The following CCDC3 variants were observed in gnomAD, a reference collection of about 807,000 sequenced individuals.
The protein encoded by CCDC3 is coiled-coil domain containing 3.
A neutral mutation model predicts 21.4 loss-of-function variants in CCDC3; 24 were observed. The ratio of observed to expected loss-of-function variants is 1.12; its 90% confidence interval spans 0.81 to 1.58. CCDC3 has a LOEUF of 1.58. CCDC3 is among the 40% of genes most tolerant of loss of function. The pLI is 0.00. For synonymous variants in CCDC3, 186 were observed against 166.0 expected, an observed-to-expected ratio of 1.12 and a Z score of -0.93; for missense variants, 425 against 360.9, an observed-to-expected ratio of 1.18 and a Z score of -1.44.
chr10:12,983,128 G>GTATATATATATATATATA (rs775314375), intron 2 of CCDC3, among the ~76,000 whole-genome samples: 1 of 117,850 alleles, frequency 8.5e-6, no homozygotes, highest in Non-Finnish European at 1.7e-5. Context: ...AAATAAAATA[G>GTATATATATATATATATA]TGTATATATA....
At chr10:12,927,152 A>G (rs1834555579) in intron 2 of CCDC3, among the ~76,000 whole-genome samples, 1 of 152,150 alleles carries the variant, frequency 6.6e-6, no homozygotes, top group African/African-American at 2.4e-5. Flanking sequence ...AACACACATA[A>G]AAGTAGAGAG....
At chr10:12,957,211 C>T (rs1445678720) in intron 2 of CCDC3, among the ~76,000 whole-genome samples, 1 of 152,136 alleles carries the variant, frequency 6.6e-6, no homozygotes, top group East Asian at 1.9e-4. Context: ...GTAACTTTGT[C>T]AATTTCCACT....
rs750606155 is a variant in CCDC3 at position 12,898,430 on chromosome 10, AG to A, written c.798del (p.Tyr267ThrfsTer21). Reference protein sequence around the residue: ...HINARGPVRPPYLRG With the variant: ...HINARGPVRPXYLRG Reference sequence around the variant, plus strand: ...CCCCAGGCCCGTTACCCCCGCAGGTAGGGGGGGCGCACGGGCCCCCGGGCAT... The same window carrying A: ...CCCCAGGCCCGTTACCCCCGCAGGTAGGGGGGCGCACGGGCCCCCGGGCAT... On this transcript the variant is annotated frameshift_variant, in exon 3 of 3. Coordinates refer to ENST00000378825, the MANE Select transcript of CCDC3 (RefSeq NM_031455.4). LOFTEE classifies it high-confidence loss of function. 8 of 1,600,590 alleles carry A rather than the reference AG, an allele frequency of 5.0e-6. No individual in the cohort carries two copies. The highest frequency in any genetic ancestry group is 1.3e-5 in the African/African-American group (1 of 74,424).
At chr10:13,061,710 G>A (rs1298197090) in intron 4 of CCDC3, among the ~76,000 whole-genome samples, 1 of 152,200 alleles carries the variant, frequency 6.6e-6, no homozygotes, top group East Asian at 1.9e-4. Flanking sequence ...AACATTTTCT[G>A]GCTGCCAATT....
intron 5 of CCDC3, among the ~76,000 whole-genome samples, chr10:13,043,124 A>G (rs1836483694): frequency 6.6e-6 from 1 of 152,078 alleles, no homozygotes; most frequent in South Asian, 2.1e-4. Context: ...TTATATGGGT[A>G]TATTTGTGTG....
At chr10:12,987,987 G>T (rs1835623632) in intron 2 of CCDC3, among the ~76,000 whole-genome samples, 1 of 151,222 alleles carries the variant, frequency 6.6e-6, no homozygotes, top group Non-Finnish European at 1.5e-5. Flanking sequence ...GCAATCTGTG[G>T]TTCACTCAGC....
At chr10:13,058,251 T>C in intron 4 of CCDC3, 1 of 1,375,504 alleles carries the variant, frequency 7.3e-7, no homozygotes, top group Non-Finnish European at 1.0e-6. Flanking sequence ...AAATAGCAGG[T>C]AAAGGCACCT....
intron 2 of CCDC3, among the ~76,000 whole-genome samples, chr10:12,977,655 T>G (rs868444261): frequency 1.9e-4 from 29 of 152,296 alleles, no homozygotes; most frequent in Middle Eastern, 6.8e-3. Context: ...TCTTACAACA[T>G]AAAATCCAGG....
chr10:13,053,522 C>CTG (rs1181180135), intron 4 of CCDC3, among the ~76,000 whole-genome samples: 1 of 152,152 alleles, frequency 6.6e-6, no homozygotes, highest in Non-Finnish European at 1.5e-5. Context: ...CACCACTGCA[C>CTG]TCCAACCTGG....
intron 4 of CCDC3, among the ~76,000 whole-genome samples, chr10:13,059,932 C>A (rs905768369): frequency 6.6e-6 from 1 of 151,944 alleles, no homozygotes; most frequent in African/African-American, 2.4e-5. Flanking sequence ...ACTAAAAATA[C>A]GAAACTTAGC....
intron 2 of CCDC3, among the ~76,000 whole-genome samples, chr10:12,944,314 A>G (rs1453245564): frequency 6.6e-6 from 1 of 152,150 alleles, no homozygotes; most frequent in Non-Finnish European, 1.5e-5. Flanking sequence ...GGCTTCATCT[A>G]CGTGACAAGA....
intron 2 of CCDC3, among the ~76,000 whole-genome samples, chr10:12,951,844 G>C (rs1463477856): frequency 7.4e-6 from 1 of 135,542 alleles, no homozygotes; most frequent in African/African-American, 2.8e-5. Context: ...CTTTGTGTGG[G>C]CTACAGCCCA....
intron 2 of CCDC3, among the ~76,000 whole-genome samples, chr10:12,997,959 G>A (rs955115175): frequency 1.3e-5 from 2 of 152,110 alleles, no homozygotes; most frequent in Non-Finnish European, 2.9e-5. Context: ...TTCTAAGAAA[G>A]TTTACAAATT....
intron 2 of CCDC3, among the ~76,000 whole-genome samples, chr10:12,988,510 A>C (rs1386264327): frequency 2.0e-5 from 3 of 151,978 alleles, no homozygotes; most frequent in Non-Finnish European, 4.4e-5. Context: ...TGCCTGGCTA[A>C]TTTTTGTATT....
At chr10:12,921,009 A>G (rs1834442883) in intron 2 of CCDC3, among the ~76,000 whole-genome samples, 1 of 152,206 alleles carries the variant, frequency 6.6e-6, no homozygotes, top group Admixed American at 6.5e-5. Context: ...ATATGAGAAC[A>G]TTCTCTTTGC....
chr10:13,080,146 C>T lies in CCDC3; in HGVS notation c.-502-6046G>A, dbSNP rs189700549. Among the ~76,000 whole-genome samples the T allele has an allele frequency of 1.6e-3, 238 of 152,200 alleles. 2 individuals carry two copies. Among genetic ancestry groups the T allele is most frequent in the African/African-American group, 5.3e-3 (221 of 41,524 alleles). ...CCAGACTGCAGCCGCATGGATCCCA[C>T]CCAGCCCAAGAGACTGAGTGTAAGG... On this transcript the variant is annotated intron_variant, in intron 3 of 6. Coordinates refer to the CCDC3 transcript ENST00000378839.
chr10:12,991,270 G>A (rs375221350), intron 2 of CCDC3, among the ~76,000 whole-genome samples: 50 of 151,842 alleles, frequency 3.3e-4, no homozygotes, highest in African/African-American at 1.0e-3. Flanking sequence ...TTTTCCCTCC[G>A]TGCTATATAT....
At chr10:12,962,880 C>G (rs984428973) in intron 2 of CCDC3, among the ~76,000 whole-genome samples, 71 of 152,160 alleles carry the variant, frequency 4.7e-4, no homozygotes, top group African/African-American at 1.7e-3. Context: ...AGCCAATTTT[C>G]TTCTTTTCCT....
intron 2 of CCDC3, among the ~76,000 whole-genome samples, chr10:12,949,678 C>G (rs1834980111): frequency 6.6e-6 from 1 of 152,214 alleles, no homozygotes; most frequent in Admixed American, 6.5e-5. Flanking sequence ...GTTCACTTTC[C>G]TAAATCAATG....
Sources: allele counts gnomAD v4.1 joint callset (sites outside exome capture counted in the v4.1 genomes callset), GRCh38; gene constraint gnomAD v4.1.1; transcripts MANE v1.5; gene names NCBI Gene and HGNC (gene_info 2026-07-23, HGNC 2026-07-21).